Variants in PCDHGA11 observed in about 807,000 individuals in gnomAD.
PCDHGA11 encodes the protein protocadherin gamma-A11.
PCDHGA11 carries 39 observed loss-of-function variants against 60.4 expected under a neutral mutation model. The observed-to-expected ratio is 0.65, with a 90% confidence interval of 0.50 to 0.84. The LOEUF (loss-of-function observed/expected upper bound fraction) is 0.84. Among genes scored for constraint, PCDHGA11 ranks in the 40% least tolerant of loss-of-function variants. The probability of loss-of-function intolerance (pLI) is 0.00; values close to 1 mark genes in which losing one functional copy is unlikely to be tolerated. For missense variants in PCDHGA11, 1,165 were observed against 1,197.7 expected, an observed-to-expected ratio of 0.97 and a Z score of 0.40; for synonymous variants, 533 against 510.3, an observed-to-expected ratio of 1.04 and a Z score of -0.60.
intron 3 of PCDHGA11, among the ~76,000 whole-genome samples, chr5:141,509,633 GA>G (rs2099877629): frequency 6.6e-6 from 1 of 152,204 alleles, no homozygotes; most frequent in Non-Finnish European, 1.5e-5. Flanking sequence ...GGGTGATGCT[GA>G]GCCAGGGCCA....
intron 1 of PCDHGA11, chr5:141,423,923 G>C: frequency 8.0e-7 from 1 of 1,254,744 alleles, no homozygotes; most frequent in Non-Finnish European, 1.0e-6. Flanking sequence ...CAACTATGCT[G>C]GTTTGGTTTG....
chr5:141,489,287 T>C lies in PCDHGA11; in HGVS notation c.2434-5520T>C. 1 of 1,573,410 alleles carries C rather than the reference T, an allele frequency of 6.4e-7. No individual in the cohort carries two copies. Among genetic ancestry groups the C allele is most frequent in the Non-Finnish European group, 8.6e-7 (1 of 1,159,858 alleles). ...CAGCTCGCTGGGAAATGGCAAGTGC[T>C]GTGCATGTTGTCCTTGTGCTGCTGG... On this transcript the variant is annotated intron_variant, in intron 1 of 3. Transcript: ENST00000398587. The surrounding 1 kb of genome is among the most constrained non-coding windows in gnomAD (Gnocchi z 4.5).
chr5:141,433,017 A>G, intron 1 of PCDHGA11: 2 of 1,614,124 alleles, frequency 1.2e-6, no homozygotes, highest in Non-Finnish European at 8.5e-7. Context: ...CTGCAGACCT[A>G]TTCCCACGAG....
intron 1 of PCDHGA11, among the ~76,000 whole-genome samples, chr5:141,465,779 GT>G (rs879859429): frequency 5.2e-4 from 76 of 145,138 alleles, no homozygotes; most frequent in South Asian, 1.1e-3. Flanking sequence ...TCTTGTTACA[GT>G]TTTTTTTTTT....
At position 141,486,720 on chromosome 5, in the gene PCDHGA11, C is replaced by G; in HGVS notation, c.2434-8087C>G. ...ATCTCTCTGAACCCCCAGACAGGAG[C>G]TGTTCATGCTACTCGATCCTTTGAC... On this transcript the variant is annotated intron_variant, in intron 1 of 3. Coordinates refer to ENST00000398587, the MANE Select transcript of PCDHGA11 (RefSeq NM_018914.3). This position sits in a 1 kb window ranked among gnomAD's most constrained non-coding sequence, Gnocchi z 5.0. The G allele has an allele frequency of 6.2e-7, 1 of 1,614,216 alleles. No homozygotes were observed. Among genetic ancestry groups the G allele is most frequent in the Non-Finnish European group, 8.5e-7 (1 of 1,180,038 alleles).
Position 141,487,904 on chromosome 5 carries a change from G to A in PCDHGA11, c.2434-6903G>A, listed in dbSNP as rs1229814755. On this transcript the variant is annotated intron_variant, in intron 1 of 3. Coordinates refer to ENST00000398587, the MANE Select transcript of PCDHGA11 (RefSeq NM_018914.3). The surrounding 1 kb of genome is among the most constrained non-coding windows in gnomAD (Gnocchi z 5.0). ...TGTGGAAGCATGATGATGGAATGTG[G>A]GAGCACAGGAGGCTACAGTGCACAG... 8.8e-6 allele frequency: 6 copies of A among 685,686 alleles called. No individual in the cohort carries two copies. The highest frequency in any genetic ancestry group is 1.5e-5 in the Non-Finnish European group (6 of 410,118). 42.5% of individuals were successfully genotyped at this position (685,686 alleles called of 1,614,324 possible). A position where few individuals can be genotyped will look rare whatever the true frequency, so the allele number is the denominator to read the frequency against.
At chr5:141,460,977 G>A in intron 1 of PCDHGA11, among the ~76,000 whole-genome samples, 1 of 131,518 alleles carries the variant, frequency 7.6e-6, no homozygotes, top group African/African-American at 3.4e-5. Context: ...GTGTGTGTGT[G>A]TGTGTGTATA....
rs773232677 is a variant in PCDHGA11, at chr5:141,490,388, G to A, written c.2434-4419G>A. 2 of 1,614,206 alleles carry A rather than the reference G, an allele frequency of 1.2e-6. No homozygotes were observed. The highest frequency in any genetic ancestry group is 2.2e-5 in the East Asian group (1 of 44,878). The stretch of plus-strand genomic sequence containing the variant: ...CGAGACCGGGACTCAGGTAGAAATG[G>A]TGAAGTGAGCCTTGATATCTCTCCG... On this transcript the variant is annotated intron_variant, in intron 1 of 3. Transcript: ENST00000398587. The surrounding 1 kb of genome is among the most constrained non-coding windows in gnomAD (Gnocchi z 5.4).
At position 141,447,650 on chromosome 5, in the gene PCDHGA11, T is replaced by C. The variant is rs555134653; in HGVS notation, c.2433+23990T>C. Reference sequence around the variant, plus strand: ...AACAGTATGAATGATGGTAGAATTTTCCCCCCCAGGAAGTTAGAACTGTTC... The same window carrying C: ...AACAGTATGAATGATGGTAGAATTTCCCCCCCCAGGAAGTTAGAACTGTTC... On this transcript the variant is annotated intron_variant, in intron 1 of 3. Transcript: ENST00000398587. Among the ~76,000 whole-genome samples, 24 of 152,106 alleles carry C rather than the reference T, an allele frequency of 1.6e-4. No homozygotes were observed. The South Asian group carries it at 2.3e-3, about 15-fold the overall frequency.
chr5:141,439,171 C>T (rs948650584), intron 1 of PCDHGA11, among the ~76,000 whole-genome samples: 3 of 146,478 alleles, frequency 2.0e-5, no homozygotes, highest in Non-Finnish European at 3.0e-5. Context: ...CCAGCCTGGG[C>T]GACATAGTGA....
At chr5:141,455,899 ATTTATTT>A (rs1441561749) in intron 1 of PCDHGA11, among the ~76,000 whole-genome samples, 5 of 148,258 alleles carry the variant, frequency 3.4e-5, no homozygotes, top group African/African-American at 1.2e-4. Context: ...TTATTTATTT[ATTTATTT>A]ATTTATTTTG....
In PCDHGA11 at chr5:141,489,514, C is replaced by T. The variant is rs141377711; in HGVS notation, c.2434-5293C>T. 63 of 1,613,926 alleles carry T rather than the reference C, an allele frequency of 3.9e-5. No homozygotes were observed. The highest frequency in any genetic ancestry group is 6.7e-5 in the Admixed American group (4 of 60,004). ...CCTGGCAGTGAATCAAAAGATTGAC[C>T]GAGAAAGCCTATGTGGAGCCAGCAC... On this transcript the variant is annotated intron_variant, in intron 1 of 3. Coordinates refer to ENST00000398587, the MANE Select transcript of PCDHGA11 (RefSeq NM_018914.3). This position sits in a 1 kb window ranked among gnomAD's most constrained non-coding sequence, Gnocchi z 4.5.
Position 141,422,276 on chromosome 5 carries a change from T to G in PCDHGA11, c.1049T>G (p.Ile350Ser). 3 of 1,558,820 alleles carry G rather than the reference T, an allele frequency of 1.9e-6. No homozygotes were observed. The highest frequency in any genetic ancestry group is 1.3e-5 in the South Asian group (1 of 79,698). The change falls in exon 1 of 4, where the codon ATC becomes AGC. Residue 350 changes from isoleucine to serine, a missense_variant. Physicochemically the swap from Ile to Ser is moderately radical, Grantham distance 142. Transcript: ENST00000398587. ...DVNDNAPEIT[I>S]TSSINSILEN... is the part of the protein sequence containing the mutation. ...AATGATAACGCTCCAGAAATAACTA[T>G]CACCTCTTCTATTAATTCAATTCTG...
Position 141,511,606 on chromosome 5 carries a change from G to A in PCDHGA11, c.*433G>A, listed in dbSNP as rs1160129762. The stretch of plus-strand genomic sequence containing the variant: ...TGTTGAAGTACCAAGTAACCTACAA[G>A]CCTCCTAGTTCTGAAAAGTTGGAAG... On this transcript the variant is annotated 3_prime_UTR_variant, in exon 4 of 4. Transcript: ENST00000398587. 2 of 248,594 alleles carry A rather than the reference G, an allele frequency of 8.0e-6. No individual in the cohort carries two copies. Among genetic ancestry groups the A allele is most frequent in the Non-Finnish European group, 1.6e-5 (2 of 123,946 alleles). 15.4% of individuals were successfully genotyped at this position (248,594 alleles called of 1,614,324 possible). A position where few individuals can be genotyped will look rare whatever the true frequency, so the allele number is the denominator to read the frequency against.
Position 141,432,548 on chromosome 5 carries a change from G to T in PCDHGA11, c.2433+8888G>T, listed in dbSNP as rs1251651638. On this transcript the variant is annotated intron_variant, in intron 1 of 3. Coordinates refer to ENST00000398587, the MANE Select transcript of PCDHGA11 (RefSeq NM_018914.3). The surrounding 1 kb of genome is among the most constrained non-coding windows in gnomAD (Gnocchi z 6.0). ...GACCAAGGTGGTGGCGGTGGACAGA[G>T]ACTCCGGCCAGAACGCCTGGCTGTC... 1.9e-6 allele frequency: 3 copies of T among 1,613,998 alleles called. No homozygotes were observed. The South Asian group carries it at 3.3e-5, about 18-fold the overall frequency.
chr5:141,443,288 C>T (rs2098378643), intron 1 of PCDHGA11, among the ~76,000 whole-genome samples: 1 of 150,180 alleles, frequency 6.7e-6, no homozygotes, highest in Non-Finnish European at 1.5e-5. Context: ...TGAGACCAGC[C>T]TGGACAGCAT....
chr5:141,506,017 C>G (rs2099850061), intron 3 of PCDHGA11, among the ~76,000 whole-genome samples: 1 of 152,176 alleles, frequency 6.6e-6, no homozygotes, highest in Non-Finnish European at 1.5e-5. Flanking sequence ...TTTGCTGCCC[C>G]TAACTCCAGA....
chr5:141,423,357 C>T lies in PCDHGA11; in HGVS notation c.2130C>T (p.Ile710=). 1 of 1,614,214 alleles carries T rather than the reference C, an allele frequency of 6.2e-7. No individual in the cohort carries two copies. Among genetic ancestry groups the T allele is most frequent in the Non-Finnish European group, 8.5e-7 (1 of 1,180,028 alleles). ...AVSCIFLVFV[I]VLLALRLWRW... The stretch of plus-strand genomic sequence containing the variant: ...CCTGCATCTTCCTGGTCTTTGTCAT[C>T]GTGCTGCTGGCACTCAGGCTGTGGC... Residue 710 remains isoleucine, a synonymous_variant, in exon 1 of 4, where the codon ATC becomes ATT. Coordinates refer to ENST00000398587, the MANE Select transcript of PCDHGA11 (RefSeq NM_018914.3).
chr5:141,511,267 C>G lies in PCDHGA11; in HGVS notation c.*94C>G. The G allele has an allele frequency of 6.5e-7, 1 of 1,549,404 alleles. No homozygotes were observed. The highest frequency in any genetic ancestry group is 8.7e-7 in the Non-Finnish European group (1 of 1,146,836). On this transcript the variant is annotated 3_prime_UTR_variant, in exon 4 of 4. Coordinates refer to ENST00000398587, the MANE Select transcript of PCDHGA11 (RefSeq NM_018914.3). Reference sequence around the variant, plus strand: ...CCAGGCCTCAGAGTTTCAGGGCTAACCCCCAGAATACTGGTAGGGGCCAAG... The same window carrying G: ...CCAGGCCTCAGAGTTTCAGGGCTAAGCCCCAGAATACTGGTAGGGGCCAAG...
Sources: allele counts gnomAD v4.1 joint callset (sites outside exome capture counted in the v4.1 genomes callset), GRCh38; gene constraint gnomAD v4.1.1; non-coding constraint Gnocchi (gnomAD v3.1); transcripts MANE v1.5; gene names NCBI Gene and HGNC (gene_info 2026-07-23, HGNC 2026-07-21).